Variants in NRXN3 observed in about 807,000 individuals in gnomAD.
The protein encoded by NRXN3 is neurexin 3.
In NRXN3, 32 loss-of-function variants were observed where a neutral mutation model predicts 137.6. The observed-to-expected ratio is 0.23, with a 90% CI of 0.18 to 0.31. The LOEUF is 0.31. NRXN3 is among the 10% of genes least tolerant of loss of function. The probability of loss-of-function intolerance (pLI) is 1.00; values close to 1 mark genes in which losing one functional copy is unlikely to be tolerated. For synonymous variants in NRXN3, 798 were observed against 784.5 expected, an observed-to-expected ratio of 1.02 and a Z score of -0.29; for missense variants, 1,574 against 2,062.5, an observed-to-expected ratio of 0.76 and a Z score of 4.59.
rs576828086 is a variant in NRXN3 at position 78,710,365 on chromosome 14, A to G, written c.1660+710A>G. Among the ~76,000 whole-genome samples the G allele has an allele frequency of 9.1e-3, 1,232 of 135,514 alleles. 10 individuals are homozygous for G. Among genetic ancestry groups the G allele is most frequent in the Middle Eastern group, 0.018 (5 of 276 alleles). 88.9% of individuals were successfully genotyped at this position (135,514 alleles called of 152,430 possible). A position where few individuals can be genotyped will look rare whatever the true frequency, so the allele number is the denominator to read the frequency against. On this transcript the variant is annotated intron_variant, in intron 7 of 20. Coordinates refer to ENST00000335750, the MANE Select transcript of NRXN3 (RefSeq NM_001330195.2). ...TACATAGCTACTATGGAATAGTAAC[A>G]AAGTGGGGGTGGGGGTGGGGCAAAA...
At chr14:78,559,876 C>G (rs759039963) in intron 4 of NRXN3, among the ~76,000 whole-genome samples, 3 of 152,188 alleles carry the variant, frequency 2.0e-5, no homozygotes, top group Non-Finnish European at 4.4e-5. Context: ...TTATGTGTCT[C>G]TTATGACAAC....
intron 4 of NRXN3, among the ~76,000 whole-genome samples, chr14:78,518,087 A>G (rs1386634275): frequency 1.3e-5 from 2 of 152,190 alleles, no homozygotes; most frequent in Non-Finnish European, 2.9e-5. Context: ...AGATTACTCT[A>G]TGGGGTTTGA....
At chr14:78,612,779 C>A (rs978005956) in intron 4 of NRXN3, among the ~76,000 whole-genome samples, 1 of 152,202 alleles carries the variant, frequency 6.6e-6, no homozygotes, top group Non-Finnish European at 1.5e-5. Flanking sequence ...ACTCTTCCTG[C>A]AGGTTTTTCT....
At chr14:79,361,060 G>T (rs185708204) in intron 15 of NRXN3, among the ~76,000 whole-genome samples, 1 of 152,202 alleles carries the variant, frequency 6.6e-6, no homozygotes, top group Non-Finnish European at 1.5e-5. Flanking sequence ...TATGATGAAG[G>T]CAGGGTGATT....
chr14:79,740,766 AT>A (rs1393364301), intron 19 of NRXN3, among the ~76,000 whole-genome samples: 13 of 106,062 alleles, frequency 1.2e-4, no homozygotes, highest in African/African-American at 4.7e-4. Flanking sequence ...ATATATATAT[AT>A]AACCTTACTT....
rs374563411 is a variant in NRXN3, at chr14:78,507,545, A to C, written c.758-137575A>C. Among the ~76,000 whole-genome samples the C allele has an allele frequency of 3.3e-5, 5 of 152,278 alleles. No homozygotes were observed. In the East Asian group the frequency reaches 9.6e-4, roughly 29 times the overall value. On this transcript the variant is annotated intron_variant, in intron 4 of 20. Transcript: ENST00000335750. ...AGCATGAGCGACGAGTTAGTAATTG[A>C]TCATCCACCTTTCTAAGGTTGCCAA...
intron 15 of NRXN3, among the ~76,000 whole-genome samples, chr14:79,091,223 C>T (rs1007267382): frequency 3.3e-5 from 5 of 151,856 alleles, no homozygotes; most frequent in Non-Finnish European, 5.9e-5. Context: ...TTGCCTGGTA[C>T]ATAGTTATTT....
chr14:79,403,841 GCAA>G (rs1434601588), intron 15 of NRXN3, among the ~76,000 whole-genome samples: 12 of 152,220 alleles, frequency 7.9e-5, no homozygotes, highest in African/African-American at 2.9e-4. Flanking sequence ...AAGACCAGAG[GCAA>G]GCTTGACACG....
intron 19 of NRXN3, among the ~76,000 whole-genome samples, chr14:79,705,694 C>T (rs1250877531): frequency 1.3e-5 from 2 of 152,096 alleles, no homozygotes. Context: ...ATTCACAGTA[C>T]TCACTCCCTC....
intron 19 of NRXN3, among the ~76,000 whole-genome samples, chr14:79,759,445 A>T (rs937755663): frequency 1.4e-5 from 2 of 147,918 alleles, no homozygotes; most frequent in African/African-American, 2.5e-5. Context: ...CAGAGTAAAT[A>T]AAAAAAAAAT....
intron 8 of NRXN3, among the ~76,000 whole-genome samples, chr14:78,756,190 T>A (rs1314060052): frequency 1.3e-5 from 2 of 152,170 alleles, no homozygotes; most frequent in African/African-American, 2.4e-5. Flanking sequence ...TTTTTAACAC[T>A]TTTAAATGGT....
intron 17 of NRXN3, among the ~76,000 whole-genome samples, chr14:79,670,417 G>C (rs924472288): frequency 1.3e-5 from 2 of 152,066 alleles, no homozygotes; most frequent in Admixed American, 6.6e-5. Context: ...TCACTTGCCA[G>C]CTTGCCCACA....
chr14:79,136,108 G>A (rs377744886), intron 15 of NRXN3, among the ~76,000 whole-genome samples: 114 of 152,296 alleles, frequency 7.5e-4, no homozygotes, highest in African/African-American at 2.7e-3. Context: ...CCAAGCCAAT[G>A]GGCTGGGTTT....
chr14:78,351,047 C>G (rs758904000), intron 4 of NRXN3, among the ~76,000 whole-genome samples: 51 of 152,134 alleles, frequency 3.4e-4, no homozygotes, highest in Non-Finnish European at 5.6e-4. Flanking sequence ...CAATCTTTGC[C>G]AGGAATTGGC....
intron 6 of NRXN3, among the ~76,000 whole-genome samples, chr14:78,658,584 G>C (rs774322827): frequency 6.6e-6 from 1 of 152,168 alleles, no homozygotes; most frequent in African/African-American, 2.4e-5. Context: ...ACTGGGTTCA[G>C]TTCTAATGTT....
chr14:78,888,031 G>A (rs2099148529), intron 10 of NRXN3, among the ~76,000 whole-genome samples: 1 of 152,158 alleles, frequency 6.6e-6, no homozygotes, highest in South Asian at 2.1e-4. Context: ...TGGCATTCGG[G>A]AGTGGCAGAC....
intron 17 of NRXN3, among the ~76,000 whole-genome samples, chr14:79,672,774 G>T (rs896068461): frequency 1.3e-5 from 2 of 151,962 alleles, no homozygotes; most frequent in Non-Finnish European, 2.9e-5. Flanking sequence ...CCCCAGAGCT[G>T]CCTGAACACC....
chr14:78,238,140 C>CA (rs1032677433), intron 1 of NRXN3, among the ~76,000 whole-genome samples: 10 of 17,446 alleles, frequency 5.7e-4, no homozygotes, highest in South Asian at 3.3e-3. Flanking sequence ...GTTGTGTGAG[C>CA]CCCCCCCACC....
At chr14:79,294,124 A>G (rs1346232504) in intron 15 of NRXN3, among the ~76,000 whole-genome samples, 1 of 152,184 alleles carries the variant, frequency 6.6e-6, no homozygotes, top group African/African-American at 2.4e-5. Context: ...GTCGTGCTGC[A>G]GTTTAGGAGC....
Sources: allele counts gnomAD v4.1 joint callset (sites outside exome capture counted in the v4.1 genomes callset), GRCh38; gene constraint gnomAD v4.1.1; transcripts MANE v1.5; gene names NCBI Gene and HGNC (gene_info 2026-07-23, HGNC 2026-07-21).